WFS1: variants seen among roughly 807,000 people sequenced by gnomAD.
WFS1 encodes the protein wolframin ER transmembrane glycoprotein, also known as wolframin.
Under a neutral mutation model 68.5 loss-of-function variants are expected in WFS1, and 90 were observed. The observed-to-expected ratio is 1.31, with a 90% CI of 1.11 to 1.56. WFS1 has a LOEUF of 1.56. Among genes scored for constraint, WFS1 ranks in the 40% most tolerant of loss-of-function variants. The pLI, the probability that WFS1 is intolerant of heterozygous loss-of-function variation, is 0.00. For missense variants in WFS1, 1,767 were observed against 1,232.6 expected, an observed-to-expected ratio of 1.43 and a Z score of -6.49; for synonymous variants, 860 against 540.7, an observed-to-expected ratio of 1.59 and a Z score of -8.19.
intron 1 of WFS1, among the ~76,000 whole-genome samples, chr4:6,273,583 A>G (rs1044101953): frequency 1.3e-5 from 2 of 152,170 alleles, no homozygotes; most frequent in African/African-American, 4.8e-5. Flanking sequence ...GCCCACATGC[A>G]TTAAGTGCTT....
intron 4 of WFS1, 95 bp from the exon 5 acceptor site, chr4:6,291,102 G>A (rs1159986517): frequency 8.4e-6 from 12 of 1,431,406 alleles, no homozygotes; most frequent in African/African-American, 5.6e-5. Flanking sequence ...TATGAGTCTC[G>A]CTCGAAAGCC....
At chr4:6,281,558 T>G (rs1486346156) in intron 2 of WFS1, among the ~76,000 whole-genome samples, 1 of 152,106 alleles carries the variant, frequency 6.6e-6, no homozygotes, top group Non-Finnish European at 1.5e-5. Context: ...GCCTCCAGGT[T>G]TCTGGCTGGG....
chr4:6,284,622 G>T (rs1172343903), intron 2 of WFS1, among the ~76,000 whole-genome samples: 1 of 151,980 alleles, frequency 6.6e-6, no homozygotes, highest in African/African-American at 2.4e-5. Context: ...GGGAAGTACA[G>T]CAACAGCCCT....
chr4:6,301,580 C>G lies in WFS1; in HGVS notation c.1785C>G (p.Thr595=). 1 of 1,614,206 alleles carries G rather than the reference C, an allele frequency of 6.2e-7. No homozygotes were observed. The highest frequency in any genetic ancestry group is 8.5e-7 in the Non-Finnish European group (1 of 1,180,050). ...FARWFTSLEL[T]KIAVTVAVCS... is the part of the protein sequence containing the mutation. Reference sequence around the variant, plus strand: ...GGTGGTTCACGTCTCTGGAGCTCACCAAGATCGCAGTCACCGTGGCGGTCT... The same window carrying G: ...GGTGGTTCACGTCTCTGGAGCTCACGAAGATCGCAGTCACCGTGGCGGTCT... Residue 595 remains threonine (T), a synonymous_variant, in exon 8 of 8, where the codon ACC becomes ACG. Coordinates refer to ENST00000226760, the MANE Select transcript of WFS1 (RefSeq NM_006005.3).
chr4:6,300,361 T>G (rs1315948665), intron 7 of WFS1, among the ~76,000 whole-genome samples: 1 of 151,732 alleles, frequency 6.6e-6, no homozygotes, highest in Non-Finnish European at 1.5e-5. Context: ...GTGCTGGAGG[T>G]CTTGCAGGGA....
intron 7 of WFS1, among the ~76,000 whole-genome samples, chr4:6,300,225 A>G (rs1374271841): frequency 6.6e-6 from 1 of 152,090 alleles, no homozygotes; most frequent in Non-Finnish European, 1.5e-5. Context: ...CAGGGAGGTG[A>G]CATCCTTGCT....
intron 1 of WFS1, among the ~76,000 whole-genome samples, chr4:6,273,829 C>A (rs78400338): frequency 6.6e-6 from 1 of 152,208 alleles, no homozygotes; most frequent in Admixed American, 6.5e-5. Context: ...CTTGGCCAAC[C>A]CCCAGGGAAC....
At chr4:6,286,761 C>T (rs1319929466) in intron 2 of WFS1, among the ~76,000 whole-genome samples, 1 of 152,246 alleles carries the variant, frequency 6.6e-6, no homozygotes, top group Non-Finnish European at 1.5e-5. Context: ...CCAGCTAGAG[C>T]AGGCCTAGGC....
chr4:6,277,272 G>T (rs888420244), intron 1 of WFS1, among the ~76,000 whole-genome samples, 179 bp from the exon 2 acceptor site: 1 of 152,230 alleles, frequency 6.6e-6, no homozygotes, highest in Admixed American at 6.5e-5. Flanking sequence ...TCCTCCCATG[G>T]TTTCCTCCCT....
chr4:6,292,152 C>T (rs1730484493), intron 6 of WFS1, among the ~76,000 whole-genome samples, 155 bp downstream of exon 6: 1 of 152,210 alleles, frequency 6.6e-6, no homozygotes, highest in Non-Finnish European at 1.5e-5. Context: ...TGTGCGACCC[C>T]ATCCTGGCCC....
At chr4:6,281,065 G>T (rs918730078) in intron 2 of WFS1, among the ~76,000 whole-genome samples, 1 of 152,160 alleles carries the variant, frequency 6.6e-6, no homozygotes, top group African/African-American at 2.4e-5. Context: ...CCACACGACT[G>T]CTGAATCTGC....
In WFS1 at chr4:6,283,027, C is replaced by T. The variant is rs544481483; in HGVS notation, c.233-4066C>T. ...CATAGATGGCATCCACGAAGGCTGG[C>T]GGAGCCTGTGATAGACGATGGACGA... On this transcript the variant is annotated intron_variant, in intron 2 of 7. Transcript: ENST00000226760. The surrounding 1 kb of genome is among the most constrained non-coding windows in gnomAD (Gnocchi z 5.0). Among the ~76,000 whole-genome samples the T allele has an allele frequency of 2.6e-5, 4 of 152,258 alleles. No individual in the cohort carries two copies. The highest frequency in any genetic ancestry group is 4.1e-4 in the South Asian group (2 of 4,820).
At position 6,289,714 on chromosome 4, in the gene WFS1, G is replaced by C. The variant is rs549092412; in HGVS notation, c.460+583G>C. ...CTGCGCAAGGGAAGTGGCTGTCCCT[G>C]GTGCCGTGGGGCAGTGTGCTTCCTG... is the stretch of plus-strand genomic sequence containing the variant. On this transcript the variant is annotated intron_variant, in intron 4 of 7. Transcript: ENST00000226760. Among the ~76,000 whole-genome samples, 20 of 152,344 alleles carry C rather than the reference G, an allele frequency of 1.3e-4. No individual in the cohort carries two copies. The East Asian group carries it at 3.9e-3, about 29-fold the overall frequency.
At position 6,300,758 on chromosome 4, in the gene WFS1, GCAC is replaced by G. The variant is rs759111963; in HGVS notation, c.967_969del (p.His323del). 8.9e-5 allele frequency: 143 copies of G among 1,613,834 alleles called. No homozygotes were observed. Among genetic ancestry groups the G allele is most frequent in the Non-Finnish European group, 1.2e-4 (136 of 1,179,980 alleles). Reference sequence around the variant, plus strand: ...ACTGGCTGTCCACCATCATCCCCACGCACCACATCAACGCGCTCATCTTCTTCT... The same window carrying G: ...ACTGGCTGTCCACCATCATCCCCACGCACATCAACGCGCTCATCTTCTTCT... On this transcript the variant is annotated inframe_deletion, in exon 8 of 8. Coordinates refer to ENST00000226760, the MANE Select transcript of WFS1 (RefSeq NM_006005.3).
chr4:6,301,117 T>C lies in WFS1; in HGVS notation c.1322T>C (p.Val441Ala). 1 of 1,613,712 alleles carries C rather than the reference T, an allele frequency of 6.2e-7. No individual in the cohort carries two copies. Among genetic ancestry groups the C allele is most frequent in the Non-Finnish European group, 8.5e-7 (1 of 1,180,032 alleles). ...ELAVITGFFT[V>A]TSYLSLSTHA... ...GCTGTCATCACCGGCTTCTTTACCGTGACCAGCTACCTGAGCCTGAGCACC... is the reference window on the plus strand; with the variant it reads ...GCTGTCATCACCGGCTTCTTTACCGCGACCAGCTACCTGAGCCTGAGCACC... Residue 441 changes from valine to alanine, a missense_variant, in exon 8 of 8, where the codon GTG becomes GCG. Transcript: ENST00000226760.
Position 6,300,899 on chromosome 4 carries a change from C to CT in WFS1, c.1104_1105insT (p.Lys369Ter), listed in dbSNP as rs1275272268. ...GCACCCTCAAGGTGTTCCAGGACAG[C>CT]AAGGCCTGGGAGAACTTCCGCACCC... On this transcript the variant is annotated frameshift_variant, in exon 8 of 8. Coordinates refer to ENST00000226760, the MANE Select transcript of WFS1 (RefSeq NM_006005.3). LOFTEE classifies it high-confidence loss of function. 6.2e-7 allele frequency: 1 copy of CT among 1,614,058 alleles called. No individual in the cohort carries two copies. The highest frequency in any genetic ancestry group is 1.3e-5 in the African/African-American group (1 of 74,922).
intron 7 of WFS1, 86 bp from the exon 8 acceptor site, chr4:6,300,571 G>A (rs1389138648): frequency 1.9e-6 from 3 of 1,591,430 alleles, no homozygotes; most frequent in African/African-American, 2.7e-5. Flanking sequence ...CTTTTGCCCA[G>A]AGGCAGGGTG....
intron 1 of WFS1, among the ~76,000 whole-genome samples, chr4:6,273,048 A>C (rs890170451): frequency 1.3e-5 from 2 of 152,208 alleles, no homozygotes; most frequent in African/African-American, 4.8e-5. Flanking sequence ...AGGCAGAGGC[A>C]CTGATCAGAG....
At position 6,301,849 on chromosome 4, in the gene WFS1, G is replaced by C. The variant is rs142668478; in HGVS notation, c.2054G>C (p.Arg685Pro). ...GCCTGGAAGGAGACCAACATGGCGC[G>C]CACCCAGATCCTCTGCAGCCACCTG... is the stretch of plus-strand genomic sequence containing the variant. ...PRAWKETNMA[R>P]TQILCSHLEG... Residue 685 changes from arginine (R) to proline (P), a missense_variant, in exon 8 of 8, where the codon CGC becomes CCC. Arg to Pro is a moderately radical substitution (Grantham distance 103). Coordinates refer to ENST00000226760, the MANE Select transcript of WFS1 (RefSeq NM_006005.3). 1 of 1,612,862 alleles carries C rather than the reference G, an allele frequency of 6.2e-7. No individual in the cohort carries two copies. Among genetic ancestry groups the C allele is most frequent in the Non-Finnish European group, 8.5e-7 (1 of 1,179,922 alleles).
Sources: gnomAD v4.1 joint callset for allele counts (sites outside exome capture counted in the v4.1 genomes callset) on GRCh38, gnomAD v4.1.1 for gene constraint, Gnocchi (gnomAD v3.1) non-coding constraint, MANE v1.5 for transcripts, NCBI Gene and HGNC (gene_info 2026-07-23, HGNC 2026-07-21) for gene names.